Variants in DCC observed in about 807,000 individuals in gnomAD.
DCC encodes the protein netrin receptor DCC.
DCC carries 58 observed loss-of-function variants against 172.5 expected under a neutral mutation model. That is an observed-to-expected ratio of 0.34 (90% CI 0.27 to 0.42). DCC has a LOEUF of 0.42. Ranked by LOEUF, DCC falls within the 10% of genes least tolerant of loss-of-function variation. The pLI is 1.00. For missense variants in DCC, 1,740 were observed against 1,791.0 expected (o/e 0.97, Z 0.51); for synonymous variants, 709 against 644.5 (o/e 1.10, Z -1.52).
Position 52,340,829 on chromosome 18 carries a change from T to C in DCC, c.42T>C (p.Ala14=). Residue 14 remains alanine (A), a synonymous_variant, in exon 1 of 29, where the codon GCT becomes GCC. Coordinates refer to ENST00000442544, the MANE Select transcript of DCC (RefSeq NM_005215.4). ...SLRCVWVPKL[A]FVLFGASLFS... ...GATGTGTTTGGGTACCCAAGCTGGC[T>C]TTTGTACTCTTCGGAGCTTCCTTGT... is the stretch of plus-strand genomic sequence containing the variant. The C allele has an allele frequency of 6.2e-7, 1 of 1,614,108 alleles. No homozygotes were observed.
chr18:52,779,322 AG>A (rs1356544736), intron 2 of DCC, among the ~76,000 whole-genome samples: 1 of 152,052 alleles, frequency 6.6e-6, no homozygotes, highest in African/African-American at 2.4e-5. Flanking sequence ...ATACCCCAAC[AG>A]GCCCCAGTGT....
intron 8 of DCC, among the ~76,000 whole-genome samples, chr18:53,165,005 C>A (rs1018199198): frequency 2.0e-5 from 3 of 152,078 alleles, no homozygotes; most frequent in African/African-American, 7.2e-5. Context: ...CTTCACTGTG[C>A]CATACAAAGT....
At chr18:52,689,288 T>C (rs1217142938) in intron 1 of DCC, among the ~76,000 whole-genome samples, 7 of 152,174 alleles carry the variant, frequency 4.6e-5, no homozygotes, top group East Asian at 1.9e-4. Flanking sequence ...AGGGAAGCAG[T>C]AGGTTATTGA....
intron 2 of DCC, among the ~76,000 whole-genome samples, chr18:52,875,089 C>A (rs528168880): frequency 6.6e-6 from 1 of 152,110 alleles, no homozygotes; most frequent in East Asian, 1.9e-4. Flanking sequence ...ATTTGTACAT[C>A]AACGCAATGT....
At chr18:53,489,657 G>A (rs1244744775) in intron 26 of DCC, among the ~76,000 whole-genome samples, 1 of 152,166 alleles carries the variant, frequency 6.6e-6, no homozygotes, top group Non-Finnish European at 1.5e-5. Context: ...TATAAGAAAT[G>A]AAATGAATCA....
At chr18:52,428,419 C>T (rs1157616591) in intron 1 of DCC, among the ~76,000 whole-genome samples, 1 of 151,982 alleles carries the variant, frequency 6.6e-6, no homozygotes, top group African/African-American at 2.4e-5. Flanking sequence ...TGTGTTTGTC[C>T]TAATTAAGAG....
intron 1 of DCC, among the ~76,000 whole-genome samples, chr18:52,543,234 T>G (rs950130130): frequency 1.3e-5 from 2 of 152,234 alleles, no homozygotes; most frequent in Non-Finnish European, 2.9e-5. Flanking sequence ...AAATAGATTA[T>G]TTTAATTGCA....
chr18:53,266,964 T>G (rs1014518632), intron 12 of DCC, among the ~76,000 whole-genome samples: 4 of 152,110 alleles, frequency 2.6e-5, no homozygotes, highest in African/African-American at 7.2e-5. Flanking sequence ...TTTACTATTA[T>G]GAAGAATGCT....
intron 12 of DCC, among the ~76,000 whole-genome samples, chr18:53,305,203 A>T (rs749615464): frequency 1.4e-4 from 22 of 152,024 alleles, no homozygotes; most frequent in Non-Finnish European, 2.9e-4. Flanking sequence ...GTGTGAGAAC[A>T]GACTAATCCA....
chr18:52,768,696 TTGTGTGCATGTGTG>T (rs367852051), intron 2 of DCC, among the ~76,000 whole-genome samples: 1 of 152,112 alleles, frequency 6.6e-6, no homozygotes, highest in Non-Finnish European at 1.5e-5. Flanking sequence ...TTGCATGTGT[TTGTGTGCATGTGTG>T]TGTGTGCATG....
chr18:53,337,416 CTG>C (rs2057603909), intron 14 of DCC, among the ~76,000 whole-genome samples: 1 of 152,212 alleles, frequency 6.6e-6, no homozygotes, highest in African/African-American at 2.4e-5. Context: ...ACTGGTGAGA[CTG>C]TGGCAGTAGG....
intron 7 of DCC, among the ~76,000 whole-genome samples, chr18:53,149,023 C>A (rs938344244): frequency 6.6e-6 from 1 of 151,874 alleles, no homozygotes; most frequent in South Asian, 2.1e-4. Flanking sequence ...CCACCACACC[C>A]GGCTAGTTTT....
In DCC at chr18:53,254,442, A is replaced by G. The variant is rs913888381; in HGVS notation, c.1911+38845A>G. ...AGATCCCAGAGCTATCAGCACCCAGAGCTATCAGCACCTGAATCACCATTA... is the reference window on the plus strand; with the variant it reads ...AGATCCCAGAGCTATCAGCACCCAGGGCTATCAGCACCTGAATCACCATTA... On this transcript the variant is annotated intron_variant, in intron 12 of 28. Transcript: ENST00000442544. Among the ~76,000 whole-genome samples, 3 of 152,058 alleles carry G rather than the reference A, an allele frequency of 2.0e-5. No homozygotes were observed. The East Asian group carries it at 5.8e-4, about 29-fold the overall frequency.
chr18:53,146,390 C>G (rs1361031998), intron 7 of DCC, among the ~76,000 whole-genome samples: 1 of 152,186 alleles, frequency 6.6e-6, no homozygotes, highest in African/African-American at 2.4e-5. Context: ...TGGCTGCATC[C>G]TCTATGGAGC....
At chr18:53,301,393 C>T (rs1018303126) in intron 12 of DCC, among the ~76,000 whole-genome samples, 6 of 151,922 alleles carry the variant, frequency 3.9e-5, no homozygotes, top group African/African-American at 1.5e-4. Flanking sequence ...CCGGCTGTGT[C>T]TGGATTCTTT....
At chr18:52,518,822 T>A (rs2031719466) in intron 1 of DCC, among the ~76,000 whole-genome samples, 1 of 152,202 alleles carries the variant, frequency 6.6e-6, no homozygotes, top group Admixed American at 6.5e-5. Context: ...TGCATTTTTG[T>A]TTTATTTGCT....
intron 1 of DCC, among the ~76,000 whole-genome samples, chr18:52,610,206 TATATATATATATATATATATAA>T: frequency 1.9e-5 from 1 of 51,640 alleles, no homozygotes; most frequent in Non-Finnish European, 3.6e-5. Flanking sequence ...TATATATATA[TATATATATATATATATATATAA>T]AATTAGCCAG....
intron 12 of DCC, among the ~76,000 whole-genome samples, chr18:53,226,948 A>ATATATATATATATATATTT: frequency 3.8e-5 from 2 of 52,950 alleles, no homozygotes; most frequent in African/African-American, 1.9e-4. Context: ...ATATATATAT[A>ATATATATATATATATATTT]TTTTTTTTTT....
intron 12 of DCC, among the ~76,000 whole-genome samples, chr18:53,274,451 A>G (rs1275695614): frequency 1.3e-5 from 2 of 152,172 alleles, no homozygotes; most frequent in Admixed American, 6.6e-5. Flanking sequence ...ATCAATTGCA[A>G]TATGCTGTCA....
Sources: allele counts gnomAD v4.1 joint callset (sites outside exome capture counted in the v4.1 genomes callset), GRCh38; gene constraint gnomAD v4.1.1; transcripts MANE v1.5; gene names NCBI Gene and HGNC (gene_info 2026-07-23, HGNC 2026-07-21).